QSER1: variants seen among roughly 807,000 people sequenced by gnomAD.
The protein encoded by QSER1 is glutamine and serine-rich protein 1.
QSER1 carries 49 observed loss-of-function variants against 158.5 expected under a neutral mutation model. The observed-to-expected ratio is 0.31, with a 90% CI of 0.25 to 0.39. The LOEUF (loss-of-function observed/expected upper bound fraction) is 0.39, where lower values mean the gene tolerates loss of function less well. Ranked by LOEUF, QSER1 falls within the 10% of genes least tolerant of loss-of-function variation. The probability of loss-of-function intolerance (pLI) is 1.00; values close to 1 mark genes in which losing one functional copy is unlikely to be tolerated. For synonymous variants in QSER1, 650 were observed against 715.5 expected, an observed-to-expected ratio of 0.91 and a Z score of 1.46; for missense variants, 1,754 against 2,010.3, an observed-to-expected ratio of 0.87 and a Z score of 2.44.
chr11:32,953,796 AC>A, intron 4 of QSER1, 60 bp from the exon 5 acceptor site: 1 of 1,524,086 alleles, frequency 6.6e-7, no homozygotes, highest in Non-Finnish European at 8.8e-7. Flanking sequence ...TTTGAGTTTT[AC>A]ACAAAACAAG....
Position 32,932,835 on chromosome 11 carries a change from A to G in QSER1, c.1577A>G (p.Asn526Ser). The change falls in exon 4 of 13, where the codon AAT becomes AGT. Residue 526 changes from asparagine (N) to serine (S), a missense_variant. By Grantham distance (46) the Asn-to-Ser change is conservative. Coordinates refer to ENST00000650167, the MANE Select transcript of QSER1 (RefSeq NM_001076786.3). ...PENQTLNYSSNQQEVLSSVTN... is the reference protein window; with the variant it reads ...PENQTLNYSSSQQEVLSSVTN... ...AATCAGACGCTTAATTATTCATCTA[A>G]TCAGCAAGAGGTATTGTCTTCAGTT... The G allele has an allele frequency of 1.2e-6, 2 of 1,614,034 alleles. No individual in the cohort carries two copies. Among genetic ancestry groups the G allele is most frequent in the Admixed American group, 1.7e-5 (1 of 59,988 alleles).
At chr11:32,910,338 C>A (rs942156878) in intron 1 of QSER1, among the ~76,000 whole-genome samples, 3 of 152,174 alleles carry the variant, frequency 2.0e-5, no homozygotes, top group African/African-American at 7.2e-5. Context: ...TATTTACCAC[C>A]CTGTCTCACA....
intron 1 of QSER1, among the ~76,000 whole-genome samples, chr11:32,923,806 A>G (rs1445222108): frequency 6.6e-6 from 1 of 151,952 alleles, no homozygotes; most frequent in African/African-American, 2.4e-5. Flanking sequence ...CATCTCTACT[A>G]AAATATAAAA....
In QSER1 at chr11:32,932,741, G is replaced by A. The variant is rs1226445700; in HGVS notation, c.1483G>A (p.Val495Ile). The A allele has an allele frequency of 1.9e-6, 3 of 1,614,096 alleles. No individual in the cohort carries two copies. Among genetic ancestry groups the A allele is most frequent in the African/African-American group, 2.7e-5 (2 of 75,030 alleles). Residue 495 changes from valine (V) to isoleucine (I), a missense_variant, in exon 4 of 13, where the codon GTT becomes ATT. Physicochemically the swap from Val to Ile is conservative, Grantham distance 29 (BLOSUM62 3). Coordinates refer to ENST00000650167, the MANE Select transcript of QSER1 (RefSeq NM_001076786.3). ...TTCACAGGTTTATAGGTCCAGCAAG[G>A]TTGAGAAATTGCCACCCTTGTATAA... ...VHSQVYRSSKVEKLPPLYKTL... is the reference protein window; with the variant it reads ...VHSQVYRSSKIEKLPPLYKTL...
At chr11:32,943,612 G>C (rs1590172523) in intron 4 of QSER1, among the ~76,000 whole-genome samples, 1 of 150,882 alleles carries the variant, frequency 6.6e-6, no homozygotes, top group African/African-American at 2.4e-5. Flanking sequence ...TAAGCTTTTT[G>C]ATATGCTGCT....
At chr11:32,935,496 C>A in intron 4 of QSER1, 61 bp downstream of exon 4, 1 of 1,274,860 alleles carries the variant, frequency 7.8e-7, no homozygotes, top group Non-Finnish European at 1.1e-6. Flanking sequence ...AGCTATAGCC[C>A]ACATTTTAAG....
At chr11:32,973,716 T>C (rs999002418) in intron 11 of QSER1, among the ~76,000 whole-genome samples, 167 bp downstream of exon 11, 7 of 152,154 alleles carry the variant, frequency 4.6e-5, no homozygotes, top group Non-Finnish European at 1.0e-4. Context: ...CGCATGGTGG[T>C]TTATTGTTTT....
At chr11:32,936,520 A>G (rs926159120) in intron 4 of QSER1, among the ~76,000 whole-genome samples, 2 of 152,232 alleles carry the variant, frequency 1.3e-5, no homozygotes, top group African/African-American at 4.8e-5. Flanking sequence ...TGTAAGAAAC[A>G]TGCCAAGGAA....
intron 1 of QSER1, among the ~76,000 whole-genome samples, chr11:32,913,961 A>T (rs1590717412): frequency 6.6e-6 from 1 of 152,296 alleles, no homozygotes; most frequent in East Asian, 1.9e-4. Flanking sequence ...TATTTTTTCA[A>T]ATTCATGATA....
intron 1 of QSER1, among the ~76,000 whole-genome samples, chr11:32,924,686 G>A (rs944387778): frequency 6.6e-6 from 1 of 152,078 alleles, no homozygotes. Context: ...TTGATCCAGG[G>A]TATGTAAAGA....
intron 6 of QSER1, among the ~76,000 whole-genome samples, 184 bp downstream of exon 6, chr11:32,955,596 T>C (rs955417174): frequency 5.9e-5 from 9 of 152,180 alleles, no homozygotes; most frequent in Admixed American, 5.9e-4. Flanking sequence ...AAATATCAGC[T>C]ATTTAAAATT....
intron 8 of QSER1, among the ~76,000 whole-genome samples, 197 bp downstream of exon 8, chr11:32,958,283 A>T (rs1228492957): frequency 6.6e-6 from 1 of 152,216 alleles, no homozygotes; most frequent in Non-Finnish European, 1.5e-5. Flanking sequence ...CCACACATGC[A>T]GCCTTGTAAA....
rs1852199739 is a variant in QSER1, at chr11:32,939,566, A to G, written c.4177+4131A>G. Among the ~76,000 whole-genome samples, 3 of 152,192 alleles carry G rather than the reference A, an allele frequency of 2.0e-5. No homozygotes were observed. The South Asian group carries it at 6.2e-4, about 32-fold the overall frequency. ...TTGTAAAACTGTAGGTTCTATTAAC[A>G]TCCTCTGAAGAATATTGATTTATTT... On this transcript the variant is annotated intron_variant, in intron 4 of 12. Transcript: ENST00000650167.
rs1237427443 is a variant in QSER1, at chr11:32,933,819, T to G, written c.2561T>G (p.Val854Gly). 1 of 1,613,740 alleles carries G rather than the reference T, an allele frequency of 6.2e-7. No homozygotes were observed. Among genetic ancestry groups the G allele is most frequent in the African/African-American group, 1.3e-5 (1 of 75,040 alleles). Reference protein sequence around the residue: ...GHQASLPNTQVLLDSACDLQI... With the variant: ...GHQASLPNTQGLLDSACDLQI... ...CAGGCATCTCTTCCTAATACACAGG[T>G]CCTTTTAGATTCTGCCTGTGATTTA... Residue 854 changes from valine to glycine, a missense_variant, in exon 4 of 13, where the codon GTC (valine) becomes GGC (glycine). Physicochemically the swap from Val to Gly is moderately radical, Grantham distance 109. Transcript: ENST00000650167.
At chr11:32,974,611 A>C (rs550913289) in intron 11 of QSER1, among the ~76,000 whole-genome samples, 3 of 152,340 alleles carry the variant, frequency 2.0e-5, no homozygotes, top group Non-Finnish European at 4.4e-5. Flanking sequence ...AGATTTGTTC[A>C]TTCTTTCAGA....
At position 32,931,490 on chromosome 11, in the gene QSER1, G is replaced by A. The variant is rs189364879; in HGVS notation, c.485-253G>A. ...CTACTTGGGACACTGCGGCTGCAGT[G>A]AGCTATGATCGCAAGACTGCACTCT... On this transcript the variant is annotated intron_variant, in intron 3 of 12. Coordinates refer to ENST00000650167, the MANE Select transcript of QSER1 (RefSeq NM_001076786.3). 2.2e-3 allele frequency among the ~76,000 whole-genome samples: 339 copies of A among 152,000 alleles called. 2 individuals carry two copies. Among genetic ancestry groups the A allele is most frequent in the African/African-American group, 7.5e-3 (311 of 41,442 alleles).
chr11:32,923,617 G>A (rs1851926686), intron 1 of QSER1, among the ~76,000 whole-genome samples: 1 of 150,832 alleles, frequency 6.6e-6, no homozygotes, highest in South Asian at 2.1e-4. Context: ...GGTGGAGGTT[G>A]TGGTGAGCCG....
chr11:32,958,851 C>T (rs1298564802), intron 8 of QSER1, among the ~76,000 whole-genome samples: 1 of 152,088 alleles, frequency 6.6e-6, no homozygotes, highest in Non-Finnish European at 1.5e-5. Context: ...GTACCTATAA[C>T]GAAGGTAGGA....
intron 4 of QSER1, among the ~76,000 whole-genome samples, chr11:32,952,191 T>A (rs545644154): frequency 2.0e-5 from 3 of 152,226 alleles, no homozygotes; most frequent in Non-Finnish European, 4.4e-5. Context: ...TAGCTTTGCT[T>A]CTTCAGATAT....
Sources: allele counts gnomAD v4.1 joint callset (sites outside exome capture counted in the v4.1 genomes callset), GRCh38; gene constraint gnomAD v4.1.1; transcripts MANE v1.5; gene names NCBI Gene and HGNC (gene_info 2026-07-23, HGNC 2026-07-21).